Variants in MYH10 observed in about 807,000 individuals in gnomAD.
The protein encoded by MYH10 is myosin-10.
A neutral mutation model predicts 257.8 loss-of-function variants in MYH10; 55 were observed. The ratio of observed to expected loss-of-function variants is 0.21; its 90% confidence interval spans 0.17 to 0.27. The LOEUF (loss-of-function observed/expected upper bound fraction) is 0.27. MYH10 is among the 10% of genes least tolerant of loss of function. The pLI is 1.00. For synonymous variants in MYH10, 854 were observed against 921.7 expected (o/e 0.93, Z 1.33); for missense variants, 1,631 against 2,500.6 (o/e 0.65, Z 7.42).
intron 4 of MYH10, among the ~76,000 whole-genome samples, chr17:8,588,850 A>G (rs536414057): frequency 6.6e-6 from 1 of 152,368 alleles, no homozygotes; most frequent in South Asian, 2.1e-4. Context: ...TGAACTAAAG[A>G]TGTAAGTTTC....
chr17:8,496,600 C>T (rs930982604), intron 30 of MYH10, among the ~76,000 whole-genome samples: 2 of 152,326 alleles, frequency 1.3e-5, no homozygotes, highest in Admixed American at 6.5e-5. Context: ...TGTCACTCCC[C>T]TCCCTTCCCC....
At chr17:8,621,086 C>T (rs959904305) in intron 2 of MYH10, among the ~76,000 whole-genome samples, 2 of 152,210 alleles carry the variant, frequency 1.3e-5, no homozygotes, top group Non-Finnish European at 1.5e-5. Flanking sequence ...TTGCAGCTAC[C>T]TCCAGCTGCC....
At chr17:8,595,272 G>A (rs892803982) in intron 3 of MYH10, among the ~76,000 whole-genome samples, 3 of 152,024 alleles carry the variant, frequency 2.0e-5, no homozygotes, top group African/African-American at 7.2e-5. Flanking sequence ...GAAACCTAAT[G>A]ATTTTTGGAC....
Position 8,484,285 on chromosome 17 carries a change from G to A in MYH10, c.5047-19C>T, listed in dbSNP as rs766322056. On this transcript the variant is annotated intron_variant, in intron 36 of 42. Transcript: ENST00000360416. ...TCTGAGCCTAAGATTAAATAAGAAG[G>A]TTTTGGGGTGGTTTACATTCTTAGT... The A allele has an allele frequency of 6.3e-7, 1 of 1,587,288 alleles. No homozygotes were observed. Among genetic ancestry groups the A allele is most frequent in the Non-Finnish European group, 8.5e-7 (1 of 1,171,412 alleles).
In MYH10 at chr17:8,477,181, G is replaced by A. The variant is rs111345979; in HGVS notation, c.5707-133C>T. ...CACGCGTGTACACGGATGTACACGC[G>A]TGCCTGGGGGCTGGTCGGAGGCTCT... is the stretch of plus-strand genomic sequence containing the variant. On this transcript the variant is annotated intron_variant, in intron 41 of 42. Coordinates refer to ENST00000360416, the MANE Select transcript of MYH10 (RefSeq NM_001256012.3). This position sits in a 1 kb window ranked among gnomAD's most constrained non-coding sequence, Gnocchi z 4.2. The A allele has an allele frequency of 2.5e-3, 2,392 of 949,308 alleles. 50 individuals are homozygous for A. In the African/African-American group the frequency reaches 0.034, roughly 13 times the overall value. 58.8% of individuals were successfully genotyped at this position (949,308 alleles called of 1,614,324 possible).
rs1913068419 is a variant in MYH10 at position 8,478,419 on chromosome 17, G to C, written c.5625C>G (p.Val1875=). Residue 1875 remains valine (V), a synonymous_variant, in exon 41 of 43, where the codon GTC becomes GTG. Transcript: ENST00000360416. ...AKERAAANKL[V]RRTEKKLKEI... Reference sequence around the variant, plus strand: ...CTTTCAGCTTCTTCTCAGTGCGACGGACTAATTTGTTGGCGGCTGCTCGTT... The same window carrying C: ...CTTTCAGCTTCTTCTCAGTGCGACGCACTAATTTGTTGGCGGCTGCTCGTT... 1.2e-6 allele frequency: 2 copies of C among 1,614,104 alleles called. No homozygotes were observed. Among genetic ancestry groups the C allele is most frequent in the Non-Finnish European group, 8.5e-7 (1 of 1,180,056 alleles).
At position 8,509,953 on chromosome 17, in the gene MYH10, G is replaced by A; in HGVS notation, c.2953-4C>T. 6.2e-7 allele frequency: 1 copy of A among 1,607,140 alleles called. No individual in the cohort carries two copies. Among genetic ancestry groups the A allele is most frequent in the Non-Finnish European group, 8.5e-7 (1 of 1,177,270 alleles). ...CGTCTAGCTGTTCTTCCAGGTCCTT[G>A]TGAAGAACACACAGTCAGTCTCGCC... On this transcript the variant is annotated splice_region_variant and splice_polypyrimidine_tract_variant and intron_variant, in intron 24 of 42. Coordinates refer to ENST00000360416, the MANE Select transcript of MYH10 (RefSeq NM_001256012.3).
At position 8,493,779 on chromosome 17, in the gene MYH10, T is replaced by G. The variant is rs766867591; in HGVS notation, c.4163A>C (p.Glu1388Ala). 1.1e-5 allele frequency: 17 copies of G among 1,571,392 alleles called. No individual in the cohort carries two copies. The highest frequency in any genetic ancestry group is 1.8e-5 in the Admixed American group (1 of 56,836). The change falls in exon 32 of 43, where the codon GAG becomes GCG. Residue 1388 changes from glutamate (E) to alanine (A), a missense_variant. Physicochemically the swap from Glu to Ala is moderately radical, Grantham distance 107. This residue lies in a region of MYH10 where 463 missense variants were observed against 621.8 expected (regional missense o/e 0.74). Coordinates refer to ENST00000360416, the MANE Select transcript of MYH10 (RefSeq NM_001256012.3). ...TTGCTTCTCCAGGTTCTTCCTGGCC[T>G]CCTCCTCCTCCTCCTGCTGCTCCTG... ...SLQEQQEEEE[E>A]ARKNLEKQVL...
chr17:8,474,483 G>A lies in MYH10; in HGVS notation c.*1321C>T, dbSNP rs1912181868. On this transcript the variant is annotated 3_prime_UTR_variant, in exon 43 of 43. Transcript: ENST00000360416. Reference sequence around the variant, plus strand: ...AGATGTTAAAGCTTTTAACCCAAAAGGTTTGTGTTTTCAAGCACATTGCAG... The same window carrying A: ...AGATGTTAAAGCTTTTAACCCAAAAAGTTTGTGTTTTCAAGCACATTGCAG... 6.6e-6 allele frequency: 1 copy of A among 152,482 alleles called. No individual in the cohort carries two copies. Among genetic ancestry groups the A allele is most frequent in the African/African-American group, 2.4e-5 (1 of 41,382 alleles). The allele number at this position is 152,482 out of a possible 1,614,324, so 9.4% of individuals were successfully genotyped here.
At chr17:8,498,480 A>G (rs1250245455) in intron 30 of MYH10, among the ~76,000 whole-genome samples, 1 of 152,160 alleles carries the variant, frequency 6.6e-6, no homozygotes, top group Non-Finnish European at 1.5e-5. Context: ...ATGACTAGAC[A>G]TGGATTTTTC....
intron 2 of MYH10, among the ~76,000 whole-genome samples, chr17:8,616,082 G>A (rs866676438): frequency 3.2e-4 from 49 of 152,300 alleles, no homozygotes; most frequent in African/African-American, 9.1e-4. Context: ...CCAGTAGTTC[G>A]AGACCAGCCT....
chr17:8,504,169 G>A lies in MYH10; in HGVS notation c.3599+525C>T, dbSNP rs1293722291. Among the ~76,000 whole-genome samples the A allele has an allele frequency of 6.6e-6, 1 of 152,168 alleles. No homozygotes were observed. Among genetic ancestry groups the A allele is most frequent in the Admixed American group, 6.5e-5 (1 of 15,282 alleles). On this transcript the variant is annotated intron_variant, in intron 28 of 42. Transcript: ENST00000360416. The surrounding 1 kb of genome is among the most constrained non-coding windows in gnomAD (Gnocchi z 5.6). ...ATGCCCGCCCTGGCTGCTGGCTCAT[G>A]ATGCTGCATATGCCTCTGCCCACTG...
chr17:8,566,617 T>C (rs1335554612), intron 7 of MYH10, among the ~76,000 whole-genome samples: 1 of 151,866 alleles, frequency 6.6e-6, no homozygotes, highest in Non-Finnish European at 1.5e-5. Flanking sequence ...ACTACAGCTG[T>C]AGCCAACATC....
Position 8,506,517 on chromosome 17 carries a change from C to G in MYH10, c.3215-28G>C. 1 of 1,598,576 alleles carries G rather than the reference C, an allele frequency of 6.3e-7. No individual in the cohort carries two copies. Among genetic ancestry groups the G allele is most frequent in the Non-Finnish European group, 8.5e-7 (1 of 1,175,494 alleles). ...TTAAGGTAAGACATAAGAAGCTCTT[C>G]AACACACCGAGTGACTCACCACAGG... On this transcript the variant is annotated intron_variant, in intron 26 of 42. Transcript: ENST00000360416. The surrounding 1 kb of genome is among the most constrained non-coding windows in gnomAD (Gnocchi z 5.0).
intron 3 of MYH10, among the ~76,000 whole-genome samples, chr17:8,592,124 C>T (rs546114967): frequency 1.3e-5 from 2 of 152,288 alleles, no homozygotes; most frequent in South Asian, 2.1e-4. Context: ...TTTGATAGCT[C>T]AGTATTTTCC....
rs34409328 is a variant in MYH10, at chr17:8,518,025, C to CGTGTGTGTGTGTGTGT, written c.2504+590_2504+605dup. Among the ~76,000 whole-genome samples, 589 of 123,712 alleles carry CGTGTGTGTGTGTGTGT rather than the reference C, an allele frequency of 4.8e-3. 36 individuals are homozygous for CGTGTGTGTGTGTGTGT. Among genetic ancestry groups the CGTGTGTGTGTGTGTGT allele is most frequent in the Middle Eastern group, 0.011 (3 of 272 alleles). The allele number at this position is 123,712 out of a possible 152,430, so 81.2% of individuals were successfully genotyped here. The stretch of plus-strand genomic sequence containing the variant: ...AGCAGGACCCCATACCCCTTGGCCC[C>CGTGTGTGTGTGTGTGT]GTGTGTGTGTGTGTGTGTGTGTGTG... On this transcript the variant is annotated intron_variant, in intron 21 of 42. Transcript: ENST00000360416.
chr17:8,533,915 A>G (rs1250000579), intron 16 of MYH10, among the ~76,000 whole-genome samples: 2 of 152,188 alleles, frequency 1.3e-5, no homozygotes, highest in South Asian at 2.1e-4. Context: ...TCCTGAAGGA[A>G]TGCAAATCCT....
chr17:8,604,745 T>C (rs968056273), intron 3 of MYH10, 81 bp downstream of exon 3: 3 of 1,026,992 alleles, frequency 2.9e-6, no homozygotes, highest in Non-Finnish European at 4.0e-6. Flanking sequence ...TTAACTTTTG[T>C]AGAATACATT....
At chr17:8,517,867 G>A (rs2081519263) in intron 21 of MYH10, among the ~76,000 whole-genome samples, 1 of 152,120 alleles carries the variant, frequency 6.6e-6, no homozygotes, top group Non-Finnish European at 1.5e-5. Context: ...CTTCTCAAAT[G>A]CTGCCAGACT....
Sources: allele counts gnomAD v4.1 joint callset (sites outside exome capture counted in the v4.1 genomes callset), GRCh38; gene constraint gnomAD v4.1.1; regional missense constraint gnomAD v4.1.1; non-coding constraint Gnocchi (gnomAD v3.1); transcripts MANE v1.5; gene names NCBI Gene and HGNC (gene_info 2026-07-23, HGNC 2026-07-21).